Variants in PAK5 observed in about 807,000 individuals in gnomAD.
PAK5 encodes the protein p21 (RAC1) activated kinase 5.
In PAK5, 16 loss-of-function variants were observed where a neutral mutation model predicts 65.9. That is an observed-to-expected ratio of 0.24 (90% CI 0.16 to 0.37). PAK5 has a LOEUF of 0.37. PAK5 is among the 10% of genes least tolerant of loss of function. The pLI is 1.00. For missense variants in PAK5, 785 were observed against 903.9 expected (o/e 0.87, Z 1.69); for synonymous variants, 371 against 354.9 (o/e 1.05, Z -0.51).
chr20:9,692,363 A>T (rs1457313612), intron 2 of PAK5, among the ~76,000 whole-genome samples: 1 of 152,256 alleles, frequency 6.6e-6, no homozygotes, highest in Non-Finnish European at 1.5e-5. Context: ...ATATGCTCTC[A>T]GAATGGGATT....
At chr20:9,667,732 C>T (rs2047439052) in intron 2 of PAK5, among the ~76,000 whole-genome samples, 1 of 152,148 alleles carries the variant, frequency 6.6e-6, no homozygotes, top group Non-Finnish European at 1.5e-5. Context: ...ATTTGTCACA[C>T]AGCAGTAGAT....
intron 1 of PAK5, among the ~76,000 whole-genome samples, chr20:9,795,132 G>A (rs188102005): frequency 0.015 from 2,230 of 151,978 alleles, 27 homozygotes; most frequent in Middle Eastern, 0.027. Context: ...TTTTCCAAGA[G>A]GAACACATTA....
At chr20:9,573,221 T>C (rs2045822986) in intron 4 of PAK5, among the ~76,000 whole-genome samples, 1 of 151,286 alleles carries the variant, frequency 6.6e-6, no homozygotes, top group African/African-American at 2.4e-5. Flanking sequence ...TCAAACATGA[T>C]CAAAAAAGAA....
rs531318769 is a variant in PAK5, at chr20:9,619,300, C to A, written c.204+24825G>T. Among the ~76,000 whole-genome samples, 3 of 152,264 alleles carry A rather than the reference C, an allele frequency of 2.0e-5. No individual in the cohort carries two copies. The East Asian group carries it at 5.8e-4, about 29-fold the overall frequency. The stretch of plus-strand genomic sequence containing the variant: ...ACAAAGAAAGTTTGGAAGAAAAAAG[C>A]CATGACTGCTTTTGATCTCAGGAAA... On this transcript the variant is annotated intron_variant, in intron 3 of 9. Coordinates refer to ENST00000353224, the MANE Select transcript of PAK5 (RefSeq NM_177990.4).
At chr20:9,705,266 G>T (rs1212535696) in intron 2 of PAK5, among the ~76,000 whole-genome samples, 1 of 151,776 alleles carries the variant, frequency 6.6e-6, no homozygotes, top group African/African-American at 2.4e-5. Flanking sequence ...AAAGATGAAA[G>T]ATATGGAAGG....
At chr20:9,804,318 G>T (rs978085097) in intron 1 of PAK5, among the ~76,000 whole-genome samples, 3 of 152,148 alleles carry the variant, frequency 2.0e-5, no homozygotes, top group Non-Finnish European at 2.9e-5. Context: ...CCATGTAGAT[G>T]CATCAAGCAA....
intron 1 of PAK5, among the ~76,000 whole-genome samples, chr20:9,822,915 T>C (rs1354350778): frequency 1.3e-5 from 2 of 152,236 alleles, no homozygotes; most frequent in African/African-American, 4.8e-5. Flanking sequence ...ATGAGTTTTA[T>C]ACCATTTCCC....
rs146801727 is a variant in PAK5, at chr20:9,730,692, C to T, written c.-161-19257G>A. ...CATGCTGACTCCTGTGGATTGAAGG[C>T]ATACACATACACCACTAAATTGCAG... is the stretch of plus-strand genomic sequence containing the variant. On this transcript the variant is annotated intron_variant, in intron 1 of 9. Transcript: ENST00000353224. Among the ~76,000 whole-genome samples, 6 of 152,282 alleles carry T rather than the reference C, an allele frequency of 3.9e-5. No individual in the cohort carries two copies. The East Asian group carries it at 1.2e-3, about 29-fold the overall frequency.
chr20:9,723,512 T>C (rs1351258865), intron 1 of PAK5, among the ~76,000 whole-genome samples: 1 of 152,140 alleles, frequency 6.6e-6, no homozygotes, highest in African/African-American at 2.4e-5. Flanking sequence ...TATAAGTGCT[T>C]TTTACCAGGT....
intron 2 of PAK5, among the ~76,000 whole-genome samples, chr20:9,694,181 A>T (rs1396651317): frequency 2.6e-5 from 4 of 152,070 alleles, no homozygotes. Flanking sequence ...AGCTGCAAAA[A>T]ATCTTATTAT....
chr20:9,547,210 G>A (rs922699942), intron 7 of PAK5, among the ~76,000 whole-genome samples: 94 of 152,080 alleles, frequency 6.2e-4, no homozygotes, highest in Admixed American at 5.8e-3. Context: ...CAGGAGAAAC[G>A]TATATAAAAC....
rs150802521 is a variant in PAK5, at chr20:9,696,585, A to C, written c.-12+14701T>G. Among the ~76,000 whole-genome samples the C allele has an allele frequency of 4.8e-3, 731 of 152,158 alleles. 8 individuals carry two copies. The highest frequency in any genetic ancestry group is 0.017 in the African/African-American group (692 of 41,548). The stretch of plus-strand genomic sequence containing the variant: ...CTCTCTGAGACAGACGTGTGGGAGA[A>C]AGTTTCTTTTTTCTGTTTCCTGATG... On this transcript the variant is annotated intron_variant, in intron 2 of 9. Transcript: ENST00000353224.
At chr20:9,803,886 A>G (rs896299095) in intron 1 of PAK5, among the ~76,000 whole-genome samples, 7 of 152,190 alleles carry the variant, frequency 4.6e-5, no homozygotes, top group African/African-American at 1.7e-4. Flanking sequence ...GTAAGGCACC[A>G]TAAATGAGCT....
At chr20:9,798,356 A>T (rs2049129796) in intron 1 of PAK5, among the ~76,000 whole-genome samples, 1 of 152,138 alleles carries the variant, frequency 6.6e-6, no homozygotes, top group South Asian at 2.1e-4. Context: ...GTGAGAGGGG[A>T]ATAAACATGC....
rs2123000287 is a variant in PAK5 at position 9,566,278 on chromosome 20, T to C, written c.1097A>G (p.Tyr366Cys). ...KLPQSQSKSGYSSSSHQYPSG... is the reference protein window; with the variant it reads ...KLPQSQSKSGCSSSSHQYPSG... ...CGGGTACTGGTGACTGCTTGAGGAA[T>C]AGCCCGATTTGCTTTGACTTTGAGG... is the stretch of plus-strand genomic sequence containing the variant. The change falls in exon 5 of 10, where the codon TAT becomes TGT. Residue 366 changes from tyrosine (Y) to cysteine (C), a missense_variant. Transcript: ENST00000353224. 6.2e-7 allele frequency: 1 copy of C among 1,613,770 alleles called. No individual in the cohort carries two copies. Among genetic ancestry groups the C allele is most frequent in the Non-Finnish European group, 8.5e-7 (1 of 1,180,014 alleles).
intron 1 of PAK5, among the ~76,000 whole-genome samples, chr20:9,770,262 G>A (rs2048818317): frequency 6.6e-6 from 1 of 152,166 alleles, no homozygotes; most frequent in Non-Finnish European, 1.5e-5. Context: ...GCAGATGAGT[G>A]CAGATGTGCG....
At chr20:9,691,065 T>C (rs73242837) in intron 2 of PAK5, among the ~76,000 whole-genome samples, 2,372 of 152,168 alleles carry the variant, frequency 0.016, 23 homozygotes, top group Middle Eastern at 0.041. Context: ...TTCCTCAGCA[T>C]TTCTGTCTGT....
At chr20:9,540,882 A>G (rs1376903292) in intron 9 of PAK5, among the ~76,000 whole-genome samples, 2 of 151,846 alleles carry the variant, frequency 1.3e-5, no homozygotes, top group Non-Finnish European at 2.9e-5. Flanking sequence ...GACTACAGGC[A>G]CCCGCCACCA....
chr20:9,642,020 C>G (rs555480521), intron 3 of PAK5, among the ~76,000 whole-genome samples: 2 of 152,300 alleles, frequency 1.3e-5, no homozygotes, highest in South Asian at 4.1e-4. Flanking sequence ...CCTTGGCCAG[C>G]CCAGAAAGGG....
Sources: allele counts gnomAD v4.1 joint callset (sites outside exome capture counted in the v4.1 genomes callset), GRCh38; gene constraint gnomAD v4.1.1; transcripts MANE v1.5; gene names NCBI Gene and HGNC (gene_info 2026-07-23, HGNC 2026-07-21).